Variants in CCDC171 observed in about 807,000 individuals in gnomAD.
The protein encoded by CCDC171 is coiled-coil domain containing 171.
In CCDC171, 177 loss-of-function variants were observed where a neutral mutation model predicts 168.2. The observed-to-expected ratio is 1.05, with a 90% CI of 0.93 to 1.19. CCDC171 has a LOEUF of 1.19. Ranked by LOEUF, CCDC171 falls within the 50% of genes most tolerant of loss-of-function variation. The probability of loss-of-function intolerance (pLI) is 0.00; values close to 1 mark genes in which losing one functional copy is unlikely to be tolerated. For synonymous variants in CCDC171, 687 were observed against 540.8 expected (o/e 1.27, Z -3.75); for missense variants, 1,991 against 1,539.0 (o/e 1.29, Z -4.91).
In CCDC171 at chr9:15,721,753, C is replaced by T; in HGVS notation, c.1319-16C>T. 6.8e-7 allele frequency: 1 copy of T among 1,460,460 alleles called. No homozygotes were observed. The highest frequency in any genetic ancestry group is 9.2e-7 in the Non-Finnish European group (1 of 1,082,114). The allele number at this position is 1,460,460 out of a possible 1,614,324, so 90.5% of individuals were successfully genotyped here. On this transcript the variant is annotated splice_polypyrimidine_tract_variant and intron_variant, in intron 11 of 25. Transcript: ENST00000380701. The stretch of plus-strand genomic sequence containing the variant: ...GTGACTTTAAGGGTATATTTTCATC[C>T]TATATTTTTCTCTAGGCATCCACAA...
At chr9:15,572,104 C>T (rs1431533358) in intron 3 of CCDC171, among the ~76,000 whole-genome samples, 2 of 152,036 alleles carry the variant, frequency 1.3e-5, no homozygotes, top group Admixed American at 6.6e-5. Flanking sequence ...CATTATGGAG[C>T]AATCTCTTTA....
intron 18 of CCDC171, among the ~76,000 whole-genome samples, chr9:15,770,929 C>G (rs932049803): frequency 2.0e-5 from 3 of 152,120 alleles, no homozygotes; most frequent in Non-Finnish European, 4.4e-5. Context: ...ATCACACACA[C>G]ACAGTTTTAC....
At chr9:15,610,471 A>AC (rs1564044197) in intron 6 of CCDC171, among the ~76,000 whole-genome samples, 3 of 140,770 alleles carry the variant, frequency 2.1e-5, no homozygotes, top group Non-Finnish European at 3.1e-5. Flanking sequence ...AAAAAAAAAA[A>AC]AAAAAAAAAA....
At chr9:15,882,228 T>G (rs184732781) in intron 24 of CCDC171, among the ~76,000 whole-genome samples, 51 of 152,236 alleles carry the variant, frequency 3.4e-4, no homozygotes, top group Non-Finnish European at 6.5e-4. Flanking sequence ...GTTGACCATT[T>G]GTATGTTTTC....
In CCDC171 at chr9:15,752,007, C is replaced by G. The variant is rs112016948; in HGVS notation, c.2671+6376C>G. On this transcript the variant is annotated intron_variant, in intron 18 of 25. Transcript: ENST00000380701. The stretch of plus-strand genomic sequence containing the variant: ...ATGGGAGAAAATTTTTGCAATTTAT[C>G]CATCTGACAAAGGGCTAATATCCAG... Among the ~76,000 whole-genome samples the G allele has an allele frequency of 5.3e-5, 8 of 152,198 alleles. 1 individual carries two copies. Among genetic ancestry groups the G allele is most frequent in the African/African-American group, 1.9e-4 (8 of 41,526 alleles).
At chr9:16,053,155 G>C (rs1292040242) in intron 1 of CCDC171, among the ~76,000 whole-genome samples, 1 of 152,192 alleles carries the variant, frequency 6.6e-6, no homozygotes, top group East Asian at 1.9e-4. Flanking sequence ...TTTTGAGCTA[G>C]AAAGCCTATT....
upstream of CCDC171, among the ~76,000 whole-genome samples, chr9:16,041,215 G>A (rs1833566436): frequency 6.6e-6 from 1 of 152,236 alleles, no homozygotes; most frequent in South Asian, 2.1e-4. Context: ...TCAGATTGGT[G>A]TGTTCAGGAC....
At chr9:15,713,826 G>A (rs1031586027) in intron 11 of CCDC171, among the ~76,000 whole-genome samples, 2 of 151,632 alleles carry the variant, frequency 1.3e-5, no homozygotes, top group African/African-American at 2.4e-5. Context: ...TGGAGCATGT[G>A]AGATCTTTGG....
intron 6 of CCDC171, among the ~76,000 whole-genome samples, chr9:15,615,922 C>T (rs2044048450): frequency 6.6e-6 from 1 of 151,824 alleles, no homozygotes; most frequent in East Asian, 1.9e-4. Context: ...GGACCACAGG[C>T]ATGCGCCACA....
Position 15,791,902 on chromosome 9 carries a change from TA to T in CCDC171, c.3267+7213del, listed in dbSNP as rs1053187433. ...AACAGAGCAGAAAAGCTGAAAATTC[TA>T]AAAATCAGAGCACCTCTCCCCCTCC... On this transcript the variant is annotated intron_variant, in intron 21 of 25. Transcript: ENST00000380701. 9.9e-5 allele frequency among the ~76,000 whole-genome samples: 15 copies of T among 152,142 alleles called. 1 individual carries two copies. Among genetic ancestry groups the T allele is most frequent in the Admixed American group, 6.5e-4 (10 of 15,268 alleles).
At chr9:15,792,970 A>T (rs985850986) in intron 21 of CCDC171, among the ~76,000 whole-genome samples, 4 of 152,196 alleles carry the variant, frequency 2.6e-5, no homozygotes, top group African/African-American at 9.7e-5. Flanking sequence ...TTCACACATA[A>T]CAATATTAAC....
At chr9:16,019,942 C>T (rs1450539887) in intron 3 of CCDC171, among the ~76,000 whole-genome samples, 1 of 152,140 alleles carries the variant, frequency 6.6e-6, no homozygotes, top group Non-Finnish European at 1.5e-5. Flanking sequence ...TATTCAGAGG[C>T]TTGTCAAGAG....
chr9:15,571,634 G>A lies in CCDC171; in HGVS notation c.52G>A (p.Ala18Thr). The A allele has an allele frequency of 6.4e-7, 1 of 1,555,522 alleles. No individual in the cohort carries two copies. The highest frequency in any genetic ancestry group is 1.7e-4 in the Middle Eastern group (1 of 5,914). ...NTGDTQRLKI[A>T]SLDVKQILKN... ...AATCTCATTTTAAAGGTTGAAGATTGCCTCATTGGATGTAAAACAAATACT... is the reference window on the plus strand; with the variant it reads ...AATCTCATTTTAAAGGTTGAAGATTACCTCATTGGATGTAAAACAAATACT... The change falls in exon 3 of 26, where the codon GCC becomes ACC. Residue 18 changes from alanine to threonine, a missense_variant. By Grantham distance (58) the Ala-to-Thr change is moderately conservative. Coordinates refer to ENST00000380701, the MANE Select transcript of CCDC171 (RefSeq NM_173550.4).
chr9:15,881,203 G>A (rs1222209985), intron 24 of CCDC171, among the ~76,000 whole-genome samples: 1 of 152,174 alleles, frequency 6.6e-6, no homozygotes, highest in Non-Finnish European at 1.5e-5. Flanking sequence ...TATTGCACAA[G>A]TAGAACTAAA....
At chr9:15,586,462 A>T (rs1397452878) in intron 4 of CCDC171, among the ~76,000 whole-genome samples, 1 of 152,212 alleles carries the variant, frequency 6.6e-6, no homozygotes, top group African/African-American at 2.4e-5. Context: ...AGTTAGAGAG[A>T]TGTTAAAATC....
At chr9:15,650,339 G>A (rs553935486) in intron 7 of CCDC171, among the ~76,000 whole-genome samples, 1 of 152,038 alleles carries the variant, frequency 6.6e-6, no homozygotes, top group South Asian at 2.1e-4. Flanking sequence ...CATGGCACGT[G>A]TATACATATG....
chr9:15,896,985 G>C (rs573603560), intron 24 of CCDC171, among the ~76,000 whole-genome samples: 1 of 152,148 alleles, frequency 6.6e-6, no homozygotes, highest in South Asian at 2.1e-4. Flanking sequence ...TTTCCGGGCA[G>C]TGCAAGATGA....
the CCDC171 span, among the ~76,000 whole-genome samples, chr9:16,080,131 G>A: frequency 6.6e-6 from 1 of 152,268 alleles, no homozygotes; most frequent in Middle Eastern, 3.4e-3. Flanking sequence ...TTTATGCTAT[G>A]GCTTCTGGAG....
At chr9:15,942,222 C>T (rs949519752) in intron 25 of CCDC171, among the ~76,000 whole-genome samples, 2 of 151,894 alleles carry the variant, frequency 1.3e-5, no homozygotes, top group African/African-American at 4.8e-5. Context: ...ATACCTAATA[C>T]TGGTAGATAA....
Sources: gnomAD v4.1 joint callset for allele counts (sites outside exome capture counted in the v4.1 genomes callset) on GRCh38, gnomAD v4.1.1 for gene constraint, MANE v1.5 for transcripts, NCBI Gene and HGNC (gene_info 2026-07-23, HGNC 2026-07-21) for gene names.